The following EYS variants were observed in gnomAD, a reference collection of about 807,000 sequenced individuals.
The protein encoded by EYS is protein eyes shut homolog.
EYS carries 250 observed loss-of-function variants against 282.1 expected under a neutral mutation model. The ratio of observed to expected loss-of-function variants is 0.89; its 90% CI spans 0.80 to 0.98. EYS has a LOEUF of 0.98. EYS is among the 50% of genes least tolerant of loss of function. The probability of loss-of-function intolerance (pLI) is 0.00; values close to 1 mark genes in which losing one functional copy is unlikely to be tolerated. For missense variants in EYS, 4,016 were observed against 3,709.0 expected (o/e 1.08, Z -2.15); for synonymous variants, 1,355 against 1,282.9 (o/e 1.06, Z -1.20).
At chr6:65,030,342 CAG>C (rs1195866213) in intron 13 of EYS, among the ~76,000 whole-genome samples, 1 of 152,100 alleles carries the variant, frequency 6.6e-6, no homozygotes, top group Non-Finnish European at 1.5e-5. Flanking sequence ...CCCTAACCAT[CAG>C]AGAGCTTCTG....
intron 15 of EYS, among the ~76,000 whole-genome samples, chr6:64,926,521 C>T (rs956023630): frequency 6.6e-6 from 1 of 152,166 alleles, no homozygotes; most frequent in African/African-American, 2.4e-5. Flanking sequence ...GCCTGGATTG[C>T]CCAGCTTCCC....
intron 23 of EYS, among the ~76,000 whole-genome samples, chr6:64,624,459 T>C (rs1767539865): frequency 6.6e-6 from 1 of 152,206 alleles, no homozygotes; most frequent in Non-Finnish European, 1.5e-5. Context: ...AGATATTTTT[T>C]GCTTGAAAGA....
At chr6:64,716,514 C>T (rs1396791558) in intron 22 of EYS, among the ~76,000 whole-genome samples, 1 of 152,298 alleles carries the variant, frequency 6.6e-6, no homozygotes, top group African/African-American at 2.4e-5. Context: ...CCTTAATATC[C>T]TCTGCCATTT....
intron 9 of EYS, among the ~76,000 whole-genome samples, chr6:65,348,143 C>T (rs9453258): frequency 0.67 from 102,140 of 151,510 alleles, 34,521 homozygotes; most frequent in South Asian, 0.72. Context: ...TTGGTGGACA[C>T]CCAGGTTGCT....
rs960969646 is a variant in EYS at position 64,169,320 on chromosome 6, C to T, written c.6424+61272G>A. Among the ~76,000 whole-genome samples the T allele has an allele frequency of 4.6e-5, 7 of 151,948 alleles. No homozygotes were observed. In the East Asian group the frequency reaches 1.4e-3, roughly 29 times the overall value. The stretch of plus-strand genomic sequence containing the variant: ...GAAAAAAACAGGAGGTAGCAGAAGG[C>T]CTGATGCGTGATCAGAGATATACAA... On this transcript the variant is annotated intron_variant, in intron 31 of 42. Coordinates refer to ENST00000503581, the MANE Select transcript of EYS (RefSeq NM_001142800.2).
intron 41 of EYS, among the ~76,000 whole-genome samples, chr6:63,754,551 A>G (rs1276127131): frequency 6.6e-6 from 1 of 152,196 alleles, no homozygotes; most frequent in Non-Finnish European, 1.5e-5. Context: ...ATAGTATTCC[A>G]TGGCATATAT....
chr6:65,259,037 G>A lies in EYS; in HGVS notation c.2023+36826C>T, dbSNP rs4142063. Among the ~76,000 whole-genome samples, 48 of 151,846 alleles carry A rather than the reference G, an allele frequency of 3.2e-4. No individual in the cohort carries two copies. In the Middle Eastern group the frequency reaches 0.01, roughly 32 times the overall value. ...AATATCTGATAATTTCCAGATCTACGCAAGATGATTAAGAATGATTACAGA... is the reference window on the plus strand; with the variant it reads ...AATATCTGATAATTTCCAGATCTACACAAGATGATTAAGAATGATTACAGA... On this transcript the variant is annotated intron_variant, in intron 12 of 42. Coordinates refer to ENST00000503581, the MANE Select transcript of EYS (RefSeq NM_001142800.2).
rs374953305 is a variant in EYS at position 64,351,288 on chromosome 6, T to C, written c.6078+37402A>G. ...TTAGTCTTATTTCAGTCTATGCAAG[T>C]TTTATTTTTGTCTATTTAAATGTAG... On this transcript the variant is annotated intron_variant, in intron 29 of 42. Coordinates refer to ENST00000503581, the MANE Select transcript of EYS (RefSeq NM_001142800.2). Among the ~76,000 whole-genome samples the C allele has an allele frequency of 5.3e-5, 8 of 151,652 alleles. No homozygotes were observed. The South Asian group carries it at 8.3e-4, about 16-fold the overall frequency.
At chr6:64,623,225 T>C (rs1767503810) in intron 23 of EYS, among the ~76,000 whole-genome samples, 1 of 152,188 alleles carries the variant, frequency 6.6e-6, no homozygotes, top group Non-Finnish European at 1.5e-5. Flanking sequence ...ACTATAGGCA[T>C]GATATTGTAC....
chr6:64,130,009 A>G (rs1422338106), intron 31 of EYS, among the ~76,000 whole-genome samples: 1 of 152,148 alleles, frequency 6.6e-6, no homozygotes, highest in Non-Finnish European at 1.5e-5. Context: ...TGGTACCAGT[A>G]CCATGCTGTT....
chr6:65,623,348 A>G (rs1766588633), intron 2 of EYS, among the ~76,000 whole-genome samples: 1 of 152,160 alleles, frequency 6.6e-6, no homozygotes, highest in South Asian at 2.1e-4. Flanking sequence ...CATTTGCCTT[A>G]ATTTTTAAAC....
chr6:64,271,434 G>GT (rs1206219452), intron 30 of EYS, among the ~76,000 whole-genome samples: 4 of 151,906 alleles, frequency 2.6e-5, no homozygotes, highest in Non-Finnish European at 4.4e-5. Context: ...GCTTTAAAAG[G>GT]TTTTTTTGGG....
intron 22 of EYS, among the ~76,000 whole-genome samples, chr6:64,693,339 A>G (rs1770466647): frequency 6.6e-6 from 1 of 152,046 alleles, no homozygotes; most frequent in African/African-American, 2.4e-5. Context: ...AAATCGAAAT[A>G]TTTCTAAAAA....
At chr6:65,336,831 C>G (rs1770007304) in intron 10 of EYS, among the ~76,000 whole-genome samples, 1 of 151,442 alleles carries the variant, frequency 6.6e-6, no homozygotes, top group Non-Finnish European at 1.5e-5. Flanking sequence ...AGTGGATTCA[C>G]CTGATGGTTA....
chr6:65,437,945 G>A (rs886565058), intron 5 of EYS, among the ~76,000 whole-genome samples: 3 of 151,786 alleles, frequency 2.0e-5, no homozygotes, highest in Admixed American at 1.3e-4. Flanking sequence ...CCATGTTGGT[G>A]TGCTGCACCC....
chr6:63,845,570 G>T (rs6927476), intron 36 of EYS, among the ~76,000 whole-genome samples: 151,327 of 152,296 alleles, frequency 0.99, 75,188 homozygotes, highest in Middle Eastern at 1. Context: ...ATATAAGGCT[G>T]TGAGTAACAC....
intron 41 of EYS, among the ~76,000 whole-genome samples, chr6:63,748,891 G>A (rs1769274451): frequency 1.3e-5 from 2 of 151,520 alleles, no homozygotes; most frequent in East Asian, 1.9e-4. Flanking sequence ...TTCTTTATTG[G>A]TCTAGCTAGT....
At chr6:64,059,660 T>G (rs1771096961) in intron 33 of EYS, among the ~76,000 whole-genome samples, 1 of 152,306 alleles carries the variant, frequency 6.6e-6, no homozygotes, top group Admixed American at 6.5e-5. Flanking sequence ...AATTACCAAC[T>G]TACAGATTCA....
intron 37 of EYS, among the ~76,000 whole-genome samples, chr6:63,794,360 A>C (rs568937881): frequency 5.4e-4 from 83 of 152,304 alleles, no homozygotes; most frequent in African/African-American, 1.9e-3. Flanking sequence ...CGGGAACAGA[A>C]GTAGTACAAT....
Sources: gnomAD v4.1 joint callset for allele counts (sites outside exome capture counted in the v4.1 genomes callset) on GRCh38, gnomAD v4.1.1 for gene constraint, MANE v1.5 for transcripts, NCBI Gene and HGNC (gene_info 2026-07-23, HGNC 2026-07-21) for gene names.